Variants in EDNRB observed in about 807,000 individuals in gnomAD.
The protein encoded by EDNRB is Hirschsprung disease 2.
In EDNRB, 18 loss-of-function variants were observed where a neutral mutation model predicts 46.4. The ratio of observed to expected loss-of-function variants is 0.39; its 90% CI spans 0.27 to 0.57. The LOEUF (loss-of-function observed/expected upper bound fraction) is 0.57, where lower values mean the gene tolerates loss of function less well. Among genes scored for constraint, EDNRB ranks in the 20% least tolerant of loss-of-function variants. EDNRB has a pLI of 0.61. For synonymous variants in EDNRB, 213 were observed against 204.9 expected (o/e 1.04, Z -0.34); for missense variants, 434 against 537.5 (o/e 0.81, Z 1.90).
chr13:77,939,293 T>C (rs1236258021), intron 1 of EDNRB: 31 of 152,182 alleles, frequency 2.0e-4, no homozygotes, highest in Admixed American at 2.0e-3. Flanking sequence ...TGGAATGTCA[T>C]CAGTTAAGGC....
chr13:77,951,931 G>A lies in EDNRB; in HGVS notation c.-52+23416C>T, dbSNP rs531071706. Among the ~76,000 whole-genome samples the A allele has an allele frequency of 2.0e-5, 3 of 152,218 alleles. No homozygotes were observed. In the South Asian group the frequency reaches 6.2e-4, roughly 32 times the overall value. On this transcript the variant is annotated intron_variant, in intron 1 of 7. Transcript: ENST00000646948. ...GCAGTCTATTTCCTTTGGGTTCGGG[G>A]TCTCTTCAGTATCATCCATTTGGTG...
At chr13:77,934,888 T>C (rs768278873) in intron 1 of EDNRB, among the ~76,000 whole-genome samples, 1 of 151,884 alleles carries the variant, frequency 6.6e-6, no homozygotes, top group Admixed American at 6.6e-5. Context: ...TCAAGCGTGA[T>C]CAGGTTGAGG....
intron 1 of EDNRB, among the ~76,000 whole-genome samples, chr13:77,907,695 T>C (rs938051217): frequency 1.3e-5 from 2 of 151,916 alleles, no homozygotes; most frequent in African/African-American, 4.8e-5. Context: ...CCTGTAGGTA[T>C]GGCTATCAGA....
rs1376936271 is a variant in EDNRB at position 77,897,234 on chromosome 13, A to G, written c.*966T>C. The stretch of plus-strand genomic sequence containing the variant: ...GCACAGGGCCTGCCCTCATTTAATC[A>G]TCTACATGCAGTGTATGTAGGTAAG... On this transcript the variant is annotated 3_prime_UTR_variant, in exon 7 of 7. Coordinates refer to ENST00000646607, the MANE Select transcript of EDNRB (RefSeq NM_001122659.3). The G allele has an allele frequency of 2.0e-6, 2 of 985,124 alleles. No individual in the cohort carries two copies. Among genetic ancestry groups the G allele is most frequent in the Non-Finnish European group, 2.4e-6 (2 of 829,884 alleles). 61.0% of individuals were successfully genotyped at this position (985,124 alleles called of 1,614,324 possible). A position where few individuals can be genotyped will look rare whatever the true frequency, so the allele number is the denominator to read the frequency against.
chr13:77,963,965 T>C (rs575670595), intron 1 of EDNRB, among the ~76,000 whole-genome samples: 82 of 152,250 alleles, frequency 5.4e-4, no homozygotes, highest in African/African-American at 1.6e-3. Context: ...GTGAAGGATA[T>C]GAACAGACAC....
intron 1 of EDNRB, among the ~76,000 whole-genome samples, chr13:77,934,799 G>C (rs1163125446): frequency 6.6e-6 from 1 of 152,246 alleles, no homozygotes; most frequent in Non-Finnish European, 1.5e-5. Flanking sequence ...CTAAGAGGCA[G>C]GCTGGTGGCT....
At chr13:77,954,926 C>A (rs1881194215) in intron 1 of EDNRB, among the ~76,000 whole-genome samples, 1 of 152,250 alleles carries the variant, frequency 6.6e-6, no homozygotes, top group African/African-American at 2.4e-5. Context: ...CTGCAATGAA[C>A]ATAAAAATGT....
Position 77,903,287 on chromosome 13 carries a change from A to G in EDNRB, c.670T>C (p.Leu224=). ...AGAACCACAGAGACCACCCAAATCA[A>G]AACAATTTCTACTGCTGTCCATTTT... is the stretch of plus-strand genomic sequence containing the variant. ...VPKWTAVEIV[L]IWVVSVVLAV... The change falls in exon 3 of 7, where the codon TTG becomes CTG. Residue 224 remains leucine (L), a synonymous_variant. Coordinates refer to ENST00000646607, the MANE Select transcript of EDNRB (RefSeq NM_001122659.3). 1.2e-6 allele frequency: 2 copies of G among 1,613,074 alleles called. No homozygotes were observed. The highest frequency in any genetic ancestry group is 8.5e-7 in the Non-Finnish European group (1 of 1,179,394).
At chr13:77,907,656 A>C (rs947289658) in intron 1 of EDNRB, among the ~76,000 whole-genome samples, 2 of 152,052 alleles carry the variant, frequency 1.3e-5, no homozygotes, top group Middle Eastern at 3.4e-3. Context: ...TCTGTCTTAA[A>C]TTATTTCCAA....
chr13:77,947,779 A>AT (rs5804948), intron 1 of EDNRB: 1,753 of 133,346 alleles, frequency 0.013, 17 homozygotes, highest in African/African-American at 0.016. Flanking sequence ...CAGCTAATTA[A>AT]TTTTTTTTTT....
upstream of EDNRB, among the ~76,000 whole-genome samples, chr13:77,923,867 AG>A (rs1880158131): frequency 6.6e-6 from 1 of 151,992 alleles, no homozygotes; most frequent in Non-Finnish European, 1.5e-5. Flanking sequence ...TTCCCACAGC[AG>A]GCTTTTTTTC....
intron 1 of EDNRB, among the ~76,000 whole-genome samples, chr13:77,954,478 G>GTATT (rs3039607): frequency 0.15 from 21,463 of 140,372 alleles, 1,966 homozygotes; most frequent in Non-Finnish European, 0.21. Context: ...TTTTAAGAAA[G>GTATT]TATTTATTTA....
chr13:77,898,118 T>C lies in EDNRB; in HGVS notation c.*82A>G. 1 of 1,560,950 alleles carries C rather than the reference T, an allele frequency of 6.4e-7. No homozygotes were observed. The highest frequency in any genetic ancestry group is 2.3e-5 in the East Asian group (1 of 42,966). ...GCTGTGCAAATACATAGTTTTTTGT[T>C]TTGTTTTGGCAAATGTTTCATTTTG... On this transcript the variant is annotated 3_prime_UTR_variant, in exon 7 of 7. Coordinates refer to ENST00000646607, the MANE Select transcript of EDNRB (RefSeq NM_001122659.3).
At chr13:77,928,687 T>A (rs148178997) in intron 1 of EDNRB, among the ~76,000 whole-genome samples, 14 of 152,268 alleles carry the variant, frequency 9.2e-5, no homozygotes, top group African/African-American at 2.9e-4. Flanking sequence ...ATAACACAGC[T>A]TCTCTGAAGT....
chr13:77,903,318 C>T lies in EDNRB; in HGVS notation c.639G>A (p.Gly213=), dbSNP rs550331401. The stretch of plus-strand genomic sequence containing the variant: ...TTTCTACTGCTGTCCATTTTGGAAC[C>T]CCAATTCCTTTAATTCTACTCCAAG... ...VASWSRIKGI[G]VPKWTAVEIV... is the part of the protein sequence containing the mutation. The change falls in exon 3 of 7, where the codon GGG becomes GGA. Residue 213 remains glycine (G), a synonymous_variant. Transcript: ENST00000646607. 9.2e-5 allele frequency: 149 copies of T among 1,612,632 alleles called. No individual in the cohort carries two copies. Among genetic ancestry groups the T allele is most frequent in the Non-Finnish European group, 1.2e-4 (145 of 1,179,300 alleles).
At chr13:77,906,213 G>T (rs1405925312) in intron 1 of EDNRB, among the ~76,000 whole-genome samples, 1 of 151,728 alleles carries the variant, frequency 6.6e-6, no homozygotes, top group East Asian at 1.9e-4. Context: ...TTACTGAAAT[G>T]GGGGAGACTC....
chr13:77,934,511 G>T (rs1880498703), intron 1 of EDNRB, among the ~76,000 whole-genome samples: 1 of 152,148 alleles, frequency 6.6e-6, no homozygotes, highest in Admixed American at 6.5e-5. Flanking sequence ...CAGAAGGGAA[G>T]AAATGACCAC....
intron 1 of EDNRB, among the ~76,000 whole-genome samples, chr13:77,941,463 T>C (rs1283175188): frequency 6.6e-6 from 1 of 152,258 alleles, no homozygotes; most frequent in Non-Finnish European, 1.5e-5. Context: ...TATCATCTAC[T>C]CTTTAACTTA....
intron 1 of EDNRB, among the ~76,000 whole-genome samples, chr13:77,963,530 T>C (rs960346390): frequency 3.7e-4 from 56 of 152,200 alleles, no homozygotes; most frequent in Non-Finnish European, 7.6e-4. Context: ...AAGGATTCCC[T>C]ATTTAATAAA....
Sources: allele counts gnomAD v4.1 joint callset (sites outside exome capture counted in the v4.1 genomes callset), GRCh38; gene constraint gnomAD v4.1.1; transcripts MANE v1.5; gene names NCBI Gene and HGNC (gene_info 2026-07-23, HGNC 2026-07-21).